SPAG16: variants seen among roughly 807,000 people sequenced by gnomAD.
The protein encoded by SPAG16 is sperm-associated antigen 16 protein.
A neutral mutation model predicts 80.4 loss-of-function variants in SPAG16; 86 were observed. The ratio of observed to expected loss-of-function variants is 1.07; its 90% CI spans 0.90 to 1.28. The LOEUF (loss-of-function observed/expected upper bound fraction) is 1.28, where lower values mean the gene tolerates loss of function less well. SPAG16 is among the 50% of genes most tolerant of loss of function. SPAG16 has a pLI of 0.00. For missense variants in SPAG16, 870 were observed against 765.3 expected, an observed-to-expected ratio of 1.14 and a Z score of -1.61; for synonymous variants, 294 against 265.9, an observed-to-expected ratio of 1.11 and a Z score of -1.03.
chr2:213,597,260 A>G (rs967097985), intron 10 of SPAG16, among the ~76,000 whole-genome samples: 3 of 152,118 alleles, frequency 2.0e-5, no homozygotes, highest in African/African-American at 7.2e-5. Flanking sequence ...TATTCAAAGT[A>G]TTTTGCTGGT....
intron 9 of SPAG16, among the ~76,000 whole-genome samples, chr2:213,460,910 T>A (rs996621205): frequency 3.3e-5 from 5 of 152,154 alleles, no homozygotes; most frequent in African/African-American, 1.2e-4. Context: ...GGAAATAACA[T>A]TCCTAAGTAA....
chr2:214,157,159 A>G (rs564798787), intron 15 of SPAG16, among the ~76,000 whole-genome samples: 15 of 152,280 alleles, frequency 9.9e-5, no homozygotes, highest in Admixed American at 7.9e-4. Context: ...CAAGTCTATG[A>G]CTAATACCTG....
intron 9 of SPAG16, among the ~76,000 whole-genome samples, chr2:213,487,859 C>T (rs968398049): frequency 3.3e-5 from 5 of 151,890 alleles, no homozygotes; most frequent in Admixed American, 1.3e-4. Context: ...CTATTTCCAA[C>T]CCAAGCATCA....
chr2:213,375,254 A>T, intron 9 of SPAG16, 135 bp downstream of exon 9: 2 of 607,004 alleles, frequency 3.3e-6, no homozygotes, highest in Admixed American at 3.5e-5. Flanking sequence ...TGGTTTATAC[A>T]TGGACAGTGG....
In SPAG16 at chr2:214,208,198, C is replaced by A. The variant is rs917563707; in HGVS notation, c.1720+58932C>A. 2.0e-5 allele frequency among the ~76,000 whole-genome samples: 3 copies of A among 152,076 alleles called. No individual in the cohort carries two copies. The South Asian group carries it at 6.2e-4, about 32-fold the overall frequency. ...GGTACCAAAATCTGTATTATGTTGT[C>A]TTTTATGATAACATAAAAGAGAATA... On this transcript the variant is annotated intron_variant, in intron 15 of 15. Coordinates refer to ENST00000331683, the MANE Select transcript of SPAG16 (RefSeq NM_024532.5).
At chr2:213,443,658 G>A (rs1008630574) in intron 9 of SPAG16, among the ~76,000 whole-genome samples, 11 of 152,150 alleles carry the variant, frequency 7.2e-5, no homozygotes, top group Admixed American at 4.6e-4. Flanking sequence ...TTACCTTTGG[G>A]CATATACCCA....
intron 15 of SPAG16, among the ~76,000 whole-genome samples, chr2:214,319,497 C>G (rs1196319538): frequency 3.5e-5 from 1 of 28,384 alleles, no homozygotes; most frequent in Non-Finnish European, 6.5e-5. Context: ...CAGAAAGATC[C>G]ACTGGAAAAA....
At chr2:214,143,136 T>G in intron 14 of SPAG16, among the ~76,000 whole-genome samples, 1 of 152,242 alleles carries the variant, frequency 6.6e-6, no homozygotes, top group Middle Eastern at 3.4e-3. Context: ...CATTTCTTTT[T>G]TAACTGTGTG....
chr2:214,285,288 C>G lies in SPAG16; in HGVS notation c.1721-124852C>G, dbSNP rs1693268896. Among the ~76,000 whole-genome samples the G allele has an allele frequency of 2.0e-5, 3 of 152,232 alleles. No homozygotes were observed. The South Asian group carries it at 6.2e-4, about 32-fold the overall frequency. ...TGCCTTCCTTGGAAAAGTATCTACT[C>G]AGGTCTGTTGCTCATTGTTTAATCA... On this transcript the variant is annotated intron_variant, in intron 15 of 15. Transcript: ENST00000331683.
At chr2:213,513,066 C>T (rs922026256) in intron 10 of SPAG16, among the ~76,000 whole-genome samples, 12 of 152,222 alleles carry the variant, frequency 7.9e-5, no homozygotes, top group African/African-American at 2.9e-4. Flanking sequence ...AAAGCTATAC[C>T]TGATGTCATG....
At chr2:214,185,838 C>T (rs1234905308) in intron 15 of SPAG16, among the ~76,000 whole-genome samples, 1 of 152,070 alleles carries the variant, frequency 6.6e-6, no homozygotes, top group Non-Finnish European at 1.5e-5. Context: ...CAATACACAC[C>T]CAACAAGATA....
intron 7 of SPAG16, among the ~76,000 whole-genome samples, chr2:213,358,082 G>T (rs1337449711): frequency 1.3e-5 from 2 of 152,018 alleles, no homozygotes; most frequent in Non-Finnish European, 2.9e-5. Flanking sequence ...TCGAATATTG[G>T]CCCCCACTCT....
chr2:214,180,318 T>C lies in SPAG16; in HGVS notation c.1720+31052T>C, dbSNP rs371768978. On this transcript the variant is annotated intron_variant, in intron 15 of 15. Transcript: ENST00000331683. ...GAATTTGTCCAGAGCAGAGTGGAAA[T>C]TTTTTGTTCTAGCCCTCTTTGTTCA... is the stretch of plus-strand genomic sequence containing the variant. Among the ~76,000 whole-genome samples the C allele has an allele frequency of 6.7e-5, 10 of 149,702 alleles. No homozygotes were observed. In the East Asian group the frequency reaches 1.8e-3, roughly 26 times the overall value.
At chr2:213,835,622 G>A (rs1214431430) in intron 10 of SPAG16, among the ~76,000 whole-genome samples, 1 of 152,012 alleles carries the variant, frequency 6.6e-6, no homozygotes, top group East Asian at 1.9e-4. Flanking sequence ...TATTTGTCAA[G>A]TGATTACATA....
chr2:213,895,871 A>T (rs747047287), intron 11 of SPAG16, among the ~76,000 whole-genome samples: 1 of 152,164 alleles, frequency 6.6e-6, no homozygotes, highest in Non-Finnish European at 1.5e-5. Context: ...GGTCTGGACA[A>T]AGATTTTGTG....
intron 5 of SPAG16, among the ~76,000 whole-genome samples, chr2:213,332,986 A>G (rs568705564): frequency 3.9e-5 from 6 of 152,242 alleles, no homozygotes; most frequent in African/African-American, 9.6e-5. Flanking sequence ...TGTCACCACT[A>G]TTATTCAATG....
intron 5 of SPAG16, among the ~76,000 whole-genome samples, chr2:213,329,772 C>T (rs2064005551): frequency 6.6e-6 from 1 of 152,078 alleles, no homozygotes; most frequent in South Asian, 2.1e-4. Flanking sequence ...TGTCAGAGAC[C>T]TTTGCGACAA....
chr2:213,529,046 G>C (rs1336379419), intron 10 of SPAG16, among the ~76,000 whole-genome samples: 1 of 152,118 alleles, frequency 6.6e-6, no homozygotes, highest in African/African-American at 2.4e-5. Context: ...TTGAGCTTCA[G>C]ATACTCAGGC....
chr2:214,297,540 T>C (rs1172307212), intron 15 of SPAG16, among the ~76,000 whole-genome samples: 2 of 152,182 alleles, frequency 1.3e-5, no homozygotes, highest in Non-Finnish European at 2.9e-5. Flanking sequence ...TGCATATGAC[T>C]AGCCTGTTTT....
Sources: allele counts gnomAD v4.1 joint callset (sites outside exome capture counted in the v4.1 genomes callset), GRCh38; gene constraint gnomAD v4.1.1; transcripts MANE v1.5; gene names NCBI Gene and HGNC (gene_info 2026-07-23, HGNC 2026-07-21).